TMEM150C: variants seen among roughly 807,000 people sequenced by gnomAD.
TMEM150C encodes the protein tentonin 3.
In TMEM150C, 10 loss-of-function variants were observed where a neutral mutation model predicts 29.9. The ratio of observed to expected loss-of-function variants is 0.33; its 90% CI spans 0.21 to 0.57. The LOEUF (loss-of-function observed/expected upper bound fraction) is 0.57, where lower values mean the gene tolerates loss of function less well. Among genes scored for constraint, TMEM150C ranks in the 20% least tolerant of loss-of-function variants. The probability of loss-of-function intolerance (pLI) is 0.88; values close to 1 mark genes in which losing one functional copy is unlikely to be tolerated. For synonymous variants in TMEM150C, 101 were observed against 112.5 expected (o/e 0.90, Z 0.64); for missense variants, 251 against 303.6 (o/e 0.83, Z 1.29).
chr4:82,536,394 C>T (rs550993380), intron 1 of TMEM150C, among the ~76,000 whole-genome samples: 19 of 146,604 alleles, frequency 1.3e-4, no homozygotes, highest in African/African-American at 4.5e-4. Flanking sequence ...ATTTAATAAA[C>T]GTGCTGGGAA....
chr4:82,527,874 C>T (rs1189309948), intron 1 of TMEM150C, among the ~76,000 whole-genome samples: 1 of 152,146 alleles, frequency 6.6e-6, no homozygotes, highest in Non-Finnish European at 1.5e-5. Context: ...CATTACCTTT[C>T]ATTGGTAAGG....
intron 1 of TMEM150C, among the ~76,000 whole-genome samples, chr4:82,529,164 G>C (rs552050164): frequency 1.3e-5 from 2 of 152,192 alleles, no homozygotes; most frequent in Admixed American, 6.5e-5. Context: ...GAGGACAAAG[G>C]GGATGCTGCC....
intron 5 of TMEM150C, among the ~76,000 whole-genome samples, chr4:82,501,938 A>AC (rs1723748792): frequency 6.6e-6 from 1 of 152,178 alleles, no homozygotes; most frequent in Admixed American, 6.5e-5. Flanking sequence ...CCAGAACACC[A>AC]TTGTGGGAAG....
At chr4:82,543,820 C>A (rs550829679) in intron 1 of TMEM150C, among the ~76,000 whole-genome samples, 1 of 152,112 alleles carries the variant, frequency 6.6e-6, no homozygotes, top group Non-Finnish European at 1.5e-5. Context: ...CAAGAGAAAC[C>A]CTTGTGGGCC....
At chr4:82,558,025 G>A (rs982826425) in intron 1 of TMEM150C, among the ~76,000 whole-genome samples, 5 of 152,028 alleles carry the variant, frequency 3.3e-5, no homozygotes, top group African/African-American at 7.2e-5. Flanking sequence ...GACACTGCAC[G>A]TGGCCTCACA....
intron 1 of TMEM150C, among the ~76,000 whole-genome samples, chr4:82,551,279 G>A (rs1298091168): frequency 2.6e-5 from 4 of 152,078 alleles, no homozygotes; most frequent in Non-Finnish European, 5.9e-5. Context: ...AGCACATACA[G>A]CATACACTAT....
chr4:82,512,993 G>C (rs1303220394), intron 1 of TMEM150C, among the ~76,000 whole-genome samples: 3 of 152,208 alleles, frequency 2.0e-5, no homozygotes, highest in African/African-American at 7.2e-5. Flanking sequence ...CTTGGGGAAG[G>C]GGCAGCTGTG....
intron 5 of TMEM150C, among the ~76,000 whole-genome samples, chr4:82,497,280 C>T (rs549736166): frequency 9.2e-5 from 14 of 152,182 alleles, no homozygotes; most frequent in South Asian, 4.1e-4. Context: ...AGGAAACAAA[C>T]TTACTACTAA....
intron 1 of TMEM150C, among the ~76,000 whole-genome samples, chr4:82,547,616 T>C (rs1000733560): frequency 6.6e-6 from 1 of 151,900 alleles, no homozygotes; most frequent in African/African-American, 2.4e-5. Context: ...AAAAAAGGTT[T>C]AATCACCAGA....
chr4:82,521,237 C>T (rs1433195369), intron 1 of TMEM150C, among the ~76,000 whole-genome samples: 4 of 152,162 alleles, frequency 2.6e-5, no homozygotes, highest in Non-Finnish European at 5.9e-5. Flanking sequence ...ATTTTAATCC[C>T]AGACTTTCTT....
chr4:82,558,310 T>C (rs192929620), intron 1 of TMEM150C, among the ~76,000 whole-genome samples: 1 of 152,338 alleles, frequency 6.6e-6, no homozygotes, highest in East Asian at 1.9e-4. Context: ...CACATGTGGC[T>C]CATGGTTATC....
In TMEM150C at chr4:82,530,084, A is replaced by ATCTC. The variant is rs144911438; in HGVS notation, c.-10-25421_-10-25418dup. Among the ~76,000 whole-genome samples the ATCTC allele has an allele frequency of 4.8e-3, 706 of 147,228 alleles. 8 individuals carry two copies. Among genetic ancestry groups the ATCTC allele is most frequent in the African/African-American group, 0.016 (649 of 40,262 alleles). On this transcript the variant is annotated intron_variant, in intron 1 of 7. Transcript: ENST00000449862. ...GGATCATGCCTTTTGCTCTCTTTCA[A>ATCTC]TCTCTCTCTCTCTCTCTCTCTAGAG...
chr4:82,525,864 C>T (rs912737809), intron 1 of TMEM150C, among the ~76,000 whole-genome samples: 3 of 152,110 alleles, frequency 2.0e-5, no homozygotes, highest in African/African-American at 7.2e-5. Flanking sequence ...GGCTGCAAAG[C>T]CCATTTCTTA....
intron 1 of TMEM150C, among the ~76,000 whole-genome samples, chr4:82,543,149 T>C (rs1725247154): frequency 6.6e-6 from 1 of 152,220 alleles, no homozygotes; most frequent in Non-Finnish European, 1.5e-5. Context: ...CCAGGGGGTC[T>C]AACTCCAGGA....
intron 6 of TMEM150C, chr4:82,491,318 G>A: frequency 1.5e-6 from 1 of 669,150 alleles, no homozygotes; most frequent in Non-Finnish European, 2.7e-6. Context: ...TCTCTGGTCT[G>A]TACCTGTGGG....
intron 6 of TMEM150C, chr4:82,491,359 A>G (rs1723340494): frequency 1.6e-6 from 1 of 642,042 alleles, no homozygotes; most frequent in Non-Finnish European, 2.8e-6. Context: ...GCTGCTTGGC[A>G]TCCAGGGCCT....
rs1018440135 is a variant in TMEM150C at position 82,484,816 on chromosome 4, T to A, written c.*695A>T. The A allele has an allele frequency of 6.6e-6, 1 of 152,316 alleles. No homozygotes were observed. The highest frequency in any genetic ancestry group is 6.5e-5 in the Admixed American group (1 of 15,270). The allele number at this position is 152,316 out of a possible 1,614,324, so 9.4% of individuals were successfully genotyped here. A position where few individuals can be genotyped will look rare whatever the true frequency, so the allele number is the denominator to read the frequency against. On this transcript the variant is annotated 3_prime_UTR_variant, in exon 8 of 8. Transcript: ENST00000449862. ...TGCCCCCATCTTGTTCCAGGCCTGA[T>A]AGACCACGTCCCTACACATATTCAC... is the stretch of plus-strand genomic sequence containing the variant.
At chr4:82,491,346 G>C in intron 6 of TMEM150C, 1 of 648,638 alleles carries the variant, frequency 1.5e-6, no homozygotes, top group Non-Finnish European at 2.8e-6. Context: ...AAGCAGCTGA[G>C]TAGCTGCTTG....
chr4:82,546,663 C>T (rs1725396462), intron 1 of TMEM150C, among the ~76,000 whole-genome samples: 1 of 151,978 alleles, frequency 6.6e-6, no homozygotes, highest in Middle Eastern at 3.2e-3. Flanking sequence ...CCCGTCTCTA[C>T]TAAAAATACA....
Sources: gnomAD v4.1 joint callset for allele counts (sites outside exome capture counted in the v4.1 genomes callset) on GRCh38, gnomAD v4.1.1 for gene constraint, MANE v1.5 for transcripts, NCBI Gene and HGNC (gene_info 2026-07-23, HGNC 2026-07-21) for gene names.